IL1RAPL2: variants seen among roughly 807,000 people sequenced by gnomAD.
IL1RAPL2 encodes the protein X-linked interleukin-1 receptor accessory protein-like 2.
In IL1RAPL2, 3 loss-of-function variants were observed where a neutral mutation model predicts 44.1. The observed-to-expected ratio is 0.07, with a 90% CI of 0.03 to 0.18. IL1RAPL2 has a LOEUF of 0.18. Among genes scored for constraint, IL1RAPL2 ranks in the 10% least tolerant of loss-of-function variants. The pLI is 1.00. For missense variants in IL1RAPL2, 391 were observed against 496.4 expected, an observed-to-expected ratio of 0.79 and a Z score of 2.02; for synonymous variants, 181 against 178.8, an observed-to-expected ratio of 1.01 and a Z score of -0.10.
chrX:105,099,816 G>A (rs1055427326), intron 2 of IL1RAPL2, among the ~76,000 whole-genome samples: 3 of 110,131 alleles, frequency 2.7e-5, no homozygotes, highest in African/African-American at 9.9e-5. Context: ...TCACTATCAT[G>A]AGGACAGCAC....
At chrX:105,678,694 G>A (rs2037895632) in intron 6 of IL1RAPL2, among the ~76,000 whole-genome samples, 1 of 110,188 alleles carries the variant, frequency 9.1e-6, no homozygotes, top group African/African-American at 3.3e-5. Context: ...GAGTCAATAG[G>A]GTAATAGCCA....
At chrX:104,769,587 T>A (rs1229567153) in intron 2 of IL1RAPL2, among the ~76,000 whole-genome samples, 1 of 112,388 alleles carries the variant, frequency 8.9e-6, no homozygotes, top group Non-Finnish European at 1.9e-5. Flanking sequence ...CATGTAGGTT[T>A]ATATTCCTGT....
intron 1 of IL1RAPL2, among the ~76,000 whole-genome samples, chrX:104,623,083 C>T (rs912647960): frequency 9.0e-6 from 1 of 110,611 alleles, no homozygotes; most frequent in Non-Finnish European, 1.9e-5. Flanking sequence ...CTCATAATGT[C>T]TAGAAACTGC....
intron 2 of IL1RAPL2, among the ~76,000 whole-genome samples, chrX:104,759,107 G>A (rs985996281): frequency 8.9e-6 from 1 of 112,115 alleles, no homozygotes; most frequent in African/African-American, 3.2e-5. Flanking sequence ...GTCCTAAGAC[G>A]GCCCACACTT....
At chrX:105,457,015 G>A (rs1184912565) in intron 5 of IL1RAPL2, among the ~76,000 whole-genome samples, 1 of 93,814 alleles carries the variant, frequency 1.1e-5, no homozygotes, top group Non-Finnish European at 2.1e-5. Flanking sequence ...ATAATTGCTG[G>A]TTATTTATCT....
intron 2 of IL1RAPL2, among the ~76,000 whole-genome samples, chrX:105,017,368 T>A (rs912182859): frequency 4.5e-5 from 5 of 111,301 alleles, no homozygotes; most frequent in Admixed American, 3.8e-4. Flanking sequence ...AAGAAAACAT[T>A]TTTATTAACT....
At chrX:104,663,089 C>G (rs955789965) in intron 2 of IL1RAPL2, among the ~76,000 whole-genome samples, 1 of 111,929 alleles carries the variant, frequency 8.9e-6, no homozygotes, top group Non-Finnish European at 1.9e-5. Context: ...TTGAAAGAAC[C>G]ACTCAGTTCC....
At chrX:104,687,142 A>C (rs1274587714) in intron 2 of IL1RAPL2, among the ~76,000 whole-genome samples, 1 of 112,263 alleles carries the variant, frequency 8.9e-6, no homozygotes, top group Non-Finnish European at 1.9e-5. Context: ...TGGAGCATGG[A>C]GGCATTTTTT....
chrX:105,221,190 G>A (rs2033959219), intron 3 of IL1RAPL2, among the ~76,000 whole-genome samples: 1 of 111,342 alleles, frequency 9.0e-6, no homozygotes, highest in Non-Finnish European at 1.9e-5. Flanking sequence ...AATAATACCT[G>A]AAGAAATGAC....
At chrX:105,076,008 G>A (rs374578273) in intron 2 of IL1RAPL2, among the ~76,000 whole-genome samples, 4 of 111,337 alleles carry the variant, frequency 3.6e-5, no homozygotes, top group South Asian at 3.8e-4. Context: ...TGGATTCATT[G>A]ATTTTTTGAA....
chrX:105,640,508 C>T (rs772459647), intron 6 of IL1RAPL2, among the ~76,000 whole-genome samples: 3 of 107,407 alleles, frequency 2.8e-5, no homozygotes, highest in East Asian at 5.9e-4. Flanking sequence ...GAATATTAAA[C>T]TGTTGAGATC....
At chrX:105,055,023 G>A (rs191163894) in intron 2 of IL1RAPL2, among the ~76,000 whole-genome samples, 118 of 112,398 alleles carry the variant, frequency 1.0e-3, no homozygotes, top group South Asian at 3.7e-3. Context: ...ATAGTTCACT[G>A]GTGAAATCAT....
At chrX:105,526,137 T>C (rs970625150) in intron 6 of IL1RAPL2, among the ~76,000 whole-genome samples, 1 of 112,098 alleles carries the variant, frequency 8.9e-6, no homozygotes, top group Non-Finnish European at 1.9e-5. Flanking sequence ...TATTAAATAC[T>C]AGCCCCAATC....
chrX:105,082,095 T>C lies in IL1RAPL2; in HGVS notation c.83-113380T>C, dbSNP rs911889714. On this transcript the variant is annotated intron_variant, in intron 2 of 10. Transcript: ENST00000372582. ...TTCTGGTAGAATTCGGCTGTGAATC[T>C]GTCTGGTCCTGGACTTTTTTTGGTC... Among the ~76,000 whole-genome samples, 7 of 111,694 alleles carry C rather than the reference T, an allele frequency of 6.3e-5. No homozygotes were observed. In the Admixed American group the frequency reaches 6.7e-4, roughly 11 times the overall value.
chrX:104,695,367 G>C (rs747177783), intron 2 of IL1RAPL2, among the ~76,000 whole-genome samples: 2 of 111,586 alleles, frequency 1.8e-5, no homozygotes, highest in African/African-American at 3.3e-5. Context: ...GAGAGAGAGA[G>C]AGAGCGAGCA....
At chrX:105,096,182 A>G (rs964805037) in intron 2 of IL1RAPL2, among the ~76,000 whole-genome samples, 4 of 111,772 alleles carry the variant, frequency 3.6e-5, no homozygotes, top group Non-Finnish European at 5.6e-5. Flanking sequence ...GAAAAGAAAA[A>G]GAAGTATTGG....
chrX:104,598,945 G>A (rs1928820054), intron 1 of IL1RAPL2, among the ~76,000 whole-genome samples: 1 of 112,161 alleles, frequency 8.9e-6, no homozygotes, highest in African/African-American at 3.2e-5. Flanking sequence ...AACAAATACA[G>A]AAGAAAATGT....
intron 6 of IL1RAPL2, among the ~76,000 whole-genome samples, chrX:105,488,072 A>G (rs946940741): frequency 8.9e-6 from 1 of 112,092 alleles, no homozygotes; most frequent in Non-Finnish European, 1.9e-5. Flanking sequence ...CCCAAATCAC[A>G]TTACTTAAAA....
At chrX:105,070,129 C>G (rs951101721) in intron 2 of IL1RAPL2, among the ~76,000 whole-genome samples, 4 of 111,738 alleles carry the variant, frequency 3.6e-5, no homozygotes, top group Non-Finnish European at 5.6e-5. Flanking sequence ...CTGGGCAAAA[C>G]CAAAAATCTG....
Sources: allele counts gnomAD v4.1 joint callset (sites outside exome capture counted in the v4.1 genomes callset), GRCh38; gene constraint gnomAD v4.1.1; transcripts MANE v1.5; gene names NCBI Gene and HGNC (gene_info 2026-07-23, HGNC 2026-07-21).